The following MEIS2 variants were observed in gnomAD, a reference collection of about 807,000 sequenced individuals.
MEIS2 encodes Meis homeobox 2, also known as homeobox protein Meis2.
Under a neutral mutation model 58.6 loss-of-function variants are expected in MEIS2, and 9 were observed. That is an observed-to-expected ratio of 0.15 (90% CI 0.09 to 0.27). The LOEUF (loss-of-function observed/expected upper bound fraction) is 0.27, where lower values mean the gene tolerates loss of function less well. Ranked by LOEUF, MEIS2 falls within the 10% of genes least tolerant of loss-of-function variation. The pLI is 1.00. For synonymous variants in MEIS2, 221 were observed against 228.4 expected (o/e 0.97, Z 0.29); for missense variants, 427 against 635.0 (o/e 0.67, Z 3.52).
chr15:37,090,121 C>T (rs1893342893), intron 6 of MEIS2, among the ~76,000 whole-genome samples: 1 of 151,770 alleles, frequency 6.6e-6, no homozygotes, highest in Non-Finnish European at 1.5e-5. Flanking sequence ...TTTTTTTCTC[C>T]CCAATATTCC....
chr15:36,909,879 A>G (rs2056921989), intron 9 of MEIS2, among the ~76,000 whole-genome samples: 2 of 150,362 alleles, frequency 1.3e-5, no homozygotes, highest in African/African-American at 2.5e-5. Context: ...GTTAGGAGAG[A>G]GGGATAGAGA....
Position 37,096,345 on chromosome 15 carries a change from C to T in MEIS2, c.331G>A (p.Gly111Arg). The T allele has an allele frequency of 6.2e-7, 1 of 1,613,778 alleles. No individual in the cohort carries two copies. Among genetic ancestry groups the T allele is most frequent in the Non-Finnish European group, 8.5e-7 (1 of 1,179,862 alleles). Residue 111 changes from glycine to arginine, a missense_variant, in exon 3 of 12, where the codon GGA becomes AGA. Physicochemically the swap from Gly to Arg is moderately radical, Grantham distance 125. Around this residue, in one of 6 missense-constraint regions of MEIS2, gnomAD observed 138 missense variants for 263.0 expected, o/e 0.52. Transcript: ENST00000561208. ...AAGGAGTCGGAGGAGCAGACGTCTCCGCCAGCCACTCCAGGTTCCCGGGGA... is the reference window on the plus strand; with the variant it reads ...AAGGAGTCGGAGGAGCAGACGTCTCTGCCAGCCACTCCAGGTTCCCGGGGA... ...CTPREPGVAG[G>R]DVCSSDSFNE...
intron 9 of MEIS2, among the ~76,000 whole-genome samples, chr15:36,932,759 A>G (rs900144893): frequency 1.3e-5 from 2 of 152,168 alleles, no homozygotes; most frequent in East Asian, 3.9e-4. Flanking sequence ...AGAGAAGTCC[A>G]TGACCCAGCA....
chr15:36,998,698 A>G (rs2060616784), intron 8 of MEIS2, among the ~76,000 whole-genome samples: 1 of 152,140 alleles, frequency 6.6e-6, no homozygotes, highest in Non-Finnish European at 1.5e-5. Flanking sequence ...AACCCATTCC[A>G]AACTATTTTC....
At chr15:37,017,145 C>T (rs1053220589) in intron 8 of MEIS2, among the ~76,000 whole-genome samples, 3 of 152,042 alleles carry the variant, frequency 2.0e-5, no homozygotes, top group Middle Eastern at 3.4e-3. Context: ...TTTCTGATGA[C>T]GCAAACCGAT....
At chr15:36,895,377 A>G in intron 10 of MEIS2, 116 bp from the exon 11 acceptor site, 1 of 809,912 alleles carries the variant, frequency 1.2e-6, no homozygotes, top group South Asian at 1.7e-5. Context: ...TTGGCACTCT[A>G]CAAATGGGGG....
chr15:36,970,931 T>C (rs576700939), intron 8 of MEIS2, among the ~76,000 whole-genome samples: 1 of 152,234 alleles, frequency 6.6e-6, no homozygotes, highest in South Asian at 2.1e-4. Flanking sequence ...ATAATTAAAT[T>C]AATTAGTAAT....
In MEIS2 at chr15:36,891,316, G is replaced by A. The variant is rs972369735; in HGVS notation, c.*857C>T. ...ACAATTAATAGACCGAACTCTGTAC[G>A]AAGTTTGTTACAGTATTCTCTTGCT... is the stretch of plus-strand genomic sequence containing the variant. On this transcript the variant is annotated 3_prime_UTR_variant, in exon 12 of 12. Transcript: ENST00000561208. 2.0e-5 allele frequency: 3 copies of A among 152,268 alleles called. No individual in the cohort carries two copies. The highest frequency in any genetic ancestry group is 6.6e-5 in the Admixed American group (1 of 15,256). 9.4% of individuals were successfully genotyped at this position (152,268 alleles called of 1,614,324 possible). A position where few individuals can be genotyped will look rare whatever the true frequency, so the allele number is the denominator to read the frequency against.
At chr15:37,024,356 C>T (rs757732469) in intron 8 of MEIS2, among the ~76,000 whole-genome samples, 2 of 152,106 alleles carry the variant, frequency 1.3e-5, no homozygotes, top group Admixed American at 6.5e-5. Flanking sequence ...ACTCAAACCC[C>T]GTTCTCTCTC....
chr15:36,919,515 T>A (rs1004411294), intron 9 of MEIS2, among the ~76,000 whole-genome samples: 1 of 151,214 alleles, frequency 6.6e-6, no homozygotes, highest in East Asian at 1.9e-4. Context: ...GAGGCAGAAG[T>A]TGTGGGAGTC....
In MEIS2 at chr15:36,899,758, A is replaced by C. The variant is rs563691995; in HGVS notation, c.978-3072T>G. 1.4e-3 allele frequency among the ~76,000 whole-genome samples: 210 copies of C among 152,330 alleles called. 1 individual carries two copies. The highest frequency in any genetic ancestry group is 4.7e-3 in the African/African-American group (195 of 41,582). ...AAGACTTGTCTTAAAAAGACTCAAA[A>C]GGTTCCATGGATATTAAATGGGCCT... On this transcript the variant is annotated intron_variant, in intron 9 of 11. Transcript: ENST00000561208.
chr15:36,976,351 T>C (rs1173536534), intron 8 of MEIS2, among the ~76,000 whole-genome samples: 1 of 152,112 alleles, frequency 6.6e-6, no homozygotes, highest in Non-Finnish European at 1.5e-5. Flanking sequence ...CCCAAAGTGC[T>C]GGGATTACAG....
intron 8 of MEIS2, among the ~76,000 whole-genome samples, chr15:36,958,655 G>A (rs975667179): frequency 6.6e-6 from 1 of 152,152 alleles, no homozygotes. Context: ...TTAAAGCTGA[G>A]CACAATCTTA....
At chr15:36,940,028 A>G (rs1202046249) in intron 9 of MEIS2, among the ~76,000 whole-genome samples, 1 of 152,180 alleles carries the variant, frequency 6.6e-6, no homozygotes, top group Non-Finnish European at 1.5e-5. Context: ...CAGATGCTCA[A>G]ATCCCTAGGG....
At chr15:37,071,145 A>G (rs1890651331) in intron 7 of MEIS2, among the ~76,000 whole-genome samples, 1 of 152,136 alleles carries the variant, frequency 6.6e-6, no homozygotes, top group South Asian at 2.1e-4. Flanking sequence ...TTCCTTTCAA[A>G]AAAAAATAAT....
chr15:37,000,324 T>C (rs190531544), intron 8 of MEIS2, among the ~76,000 whole-genome samples: 7 of 152,190 alleles, frequency 4.6e-5, no homozygotes, highest in African/African-American at 1.7e-4. Context: ...CTAAGCTAAA[T>C]AGAAAATAAG....
At chr15:37,051,764 C>G (rs1427423025) in intron 7 of MEIS2, among the ~76,000 whole-genome samples, 1 of 152,056 alleles carries the variant, frequency 6.6e-6, no homozygotes, top group Non-Finnish European at 1.5e-5. Context: ...GTAACTGCAG[C>G]AAAGTTCTGG....
chr15:36,891,922 C>T lies in MEIS2; in HGVS notation c.*251G>A, dbSNP rs1247283041. ...GTTTAACTTAGTTCCTATATTTATACTACAGTAGTTATAACTCTCGGAGTC... is the reference window on the plus strand; with the variant it reads ...GTTTAACTTAGTTCCTATATTTATATTACAGTAGTTATAACTCTCGGAGTC... On this transcript the variant is annotated 3_prime_UTR_variant, in exon 12 of 12. Coordinates refer to ENST00000561208, the MANE Select transcript of MEIS2 (RefSeq NM_170675.5). 1.8e-6 allele frequency: 1 copy of T among 546,036 alleles called. No individual in the cohort carries two copies. 33.8% of individuals were successfully genotyped at this position (546,036 alleles called of 1,614,324 possible).
chr15:37,088,392 T>C (rs979133409), intron 6 of MEIS2, among the ~76,000 whole-genome samples: 1 of 152,222 alleles, frequency 6.6e-6, no homozygotes, highest in Non-Finnish European at 1.5e-5. Flanking sequence ...TGTATCAACA[T>C]ACATAATTAA....
Sources: gnomAD v4.1 joint callset for allele counts (sites outside exome capture counted in the v4.1 genomes callset) on GRCh38, gnomAD v4.1.1 for gene constraint, gnomAD v4.1.1 regional missense constraint, MANE v1.5 for transcripts, NCBI Gene and HGNC (gene_info 2026-07-23, HGNC 2026-07-21) for gene names.